CRYBG3: variants seen among roughly 807,000 people sequenced by gnomAD.
The protein encoded by CRYBG3 is crystallin beta-gamma domain containing 3.
CRYBG3 carries 127 observed loss-of-function variants against 244.2 expected under a neutral mutation model. The ratio of observed to expected loss-of-function variants is 0.52; its 90% confidence interval spans 0.45 to 0.60. CRYBG3 has a LOEUF of 0.60. CRYBG3 is among the 20% of genes least tolerant of loss of function. The probability of loss-of-function intolerance (pLI) is 0.00; values close to 1 mark genes in which losing one functional copy is unlikely to be tolerated. For missense variants in CRYBG3, 3,325 were observed against 3,442.5 expected (o/e 0.97, Z 0.85); for synonymous variants, 1,132 against 1,195.8 (o/e 0.95, Z 1.10).
chr3:97,908,275 G>A (rs969153294), intron 15 of CRYBG3, among the ~76,000 whole-genome samples: 1 of 152,190 alleles, frequency 6.6e-6, no homozygotes, highest in Non-Finnish European at 1.5e-5. Flanking sequence ...GCTTGGTGCA[G>A]AGCTGAGTTC....
At chr3:97,871,033 G>T (rs568764608) in intron 3 of CRYBG3, among the ~76,000 whole-genome samples, 2 of 152,130 alleles carry the variant, frequency 1.3e-5, no homozygotes, top group African/African-American at 2.4e-5. Context: ...TCTGATGCTG[G>T]CATTAAAGGG....
At chr3:97,857,884 T>A (rs2039089081) in intron 2 of CRYBG3, among the ~76,000 whole-genome samples, 1 of 152,152 alleles carries the variant, frequency 6.6e-6, no homozygotes, top group African/African-American at 2.4e-5. Context: ...TCATTTCGTA[T>A]ATACATTGTT....
chr3:97,892,978 G>T lies in CRYBG3; in HGVS notation c.7559G>T (p.Arg2520Leu). The T allele has an allele frequency of 6.3e-7, 1 of 1,597,446 alleles. No individual in the cohort carries two copies. Among genetic ancestry groups the T allele is most frequent in the Non-Finnish European group, 8.5e-7 (1 of 1,174,344 alleles). The change falls in exon 11 of 22, where the codon CGT (arginine) becomes CTT (leucine). Residue 2520 changes from arginine (R) to leucine (L), a missense_variant. Arg to Leu is a moderately radical substitution (Grantham distance 102). This residue lies in a region of CRYBG3 where 714 missense variants were observed against 803.6 expected (regional missense o/e 0.89). Coordinates refer to ENST00000389622, the MANE Select transcript of CRYBG3 (RefSeq NM_153605.4). ...NGDFHRIGSIRVIGGVWVAYE... is the reference protein window; with the variant it reads ...NGDFHRIGSILVIGGVWVAYE... ...GATTTTCACAGAATTGGATCAATTC[G>T]TGTCATTGGTGGAGTGTGAGTATCA...
At chr3:97,848,555 C>T (rs2038936165) in intron 2 of CRYBG3, among the ~76,000 whole-genome samples, 1 of 152,170 alleles carries the variant, frequency 6.6e-6, no homozygotes, top group African/African-American at 2.4e-5. Context: ...CCTGCCTCAG[C>T]CTCCCAAAGT....
chr3:97,894,014 C>T (rs2039611271), intron 11 of CRYBG3, among the ~76,000 whole-genome samples: 1 of 152,088 alleles, frequency 6.6e-6, no homozygotes, highest in African/African-American at 2.4e-5. Context: ...CTTCCTTGTC[C>T]TTCAATTTAA....
At chr3:97,831,608 A>T (rs2038654627) in intron 1 of CRYBG3, among the ~76,000 whole-genome samples, 2 of 152,152 alleles carry the variant, frequency 1.3e-5, no homozygotes, top group South Asian at 4.1e-4. Flanking sequence ...TTATGAAGTG[A>T]GTATATGATA....
At chr3:97,841,076 A>C (rs753363060) in intron 1 of CRYBG3, among the ~76,000 whole-genome samples, 6 of 151,880 alleles carry the variant, frequency 4.0e-5, no homozygotes, top group Non-Finnish European at 8.8e-5. Flanking sequence ...TATTTTATAC[A>C]TTTGTACGGG....
chr3:97,822,238 C>G lies in CRYBG3; in HGVS notation c.32C>G (p.Pro11Arg). 1 of 1,530,716 alleles carries G rather than the reference C, an allele frequency of 6.5e-7. No homozygotes were observed. The highest frequency in any genetic ancestry group is 8.7e-7 in the Non-Finnish European group (1 of 1,144,802). The allele number at this position is 1,530,716 out of a possible 1,614,324, so 94.8% of individuals were successfully genotyped here. A position where few individuals can be genotyped will look rare whatever the true frequency, so the allele number is the denominator to read the frequency against. Residue 11 changes from proline (P) to arginine (R), a missense_variant, in exon 1 of 22, where the codon CCC (proline) becomes CGC (arginine). Pro to Arg is a moderately radical substitution (Grantham distance 103, BLOSUM62 -2). Transcript: ENST00000389622. Reference protein sequence around the residue: MSSGRRRGSAPWHSFSRFFAP... With the variant: MSSGRRRGSARWHSFSRFFAP... ...AGCGGCCGCAGAAGGGGCAGCGCCC[C>G]CTGGCACAGCTTCTCCCGGTTCTTC...
chr3:97,855,539 T>C (rs754907936), intron 2 of CRYBG3, among the ~76,000 whole-genome samples: 19 of 152,180 alleles, frequency 1.2e-4, no homozygotes, highest in Non-Finnish European at 1.5e-4. Flanking sequence ...GTTCAGGTTT[T>C]CTGTTTCTTC....
At chr3:97,905,606 G>C (rs1372184624) in intron 15 of CRYBG3, among the ~76,000 whole-genome samples, 4 of 151,882 alleles carry the variant, frequency 2.6e-5, no homozygotes, top group Non-Finnish European at 5.9e-5. Flanking sequence ...CTTTTTTCTT[G>C]TAAATTTGTT....
At position 97,876,995 on chromosome 3, in the gene CRYBG3, C is replaced by T. The variant is rs867067233; in HGVS notation, c.5801C>T (p.Ser1934Phe). The T allele has an allele frequency of 2.6e-6, 4 of 1,523,648 alleles. No individual in the cohort carries two copies. Among genetic ancestry groups the T allele is most frequent in the Non-Finnish European group, 3.5e-6 (4 of 1,139,056 alleles). The allele number at this position is 1,523,648 out of a possible 1,614,324, so 94.4% of individuals were successfully genotyped here. ...RLPTYFRGYE[S>F]PTLSKDYEGY... ...CCTACATATTTCAGGGGATATGAAT[C>T]CCCTACATTAAGTAAGGATTATGAG... is the stretch of plus-strand genomic sequence containing the variant. The change falls in exon 4 of 22, where the codon TCC becomes TTC. Residue 1934 changes from serine (S) to phenylalanine (F), a missense_variant. Ser to Phe is a radical substitution (Grantham distance 155). Transcript: ENST00000389622.
chr3:97,875,824 T>C lies in CRYBG3; in HGVS notation c.4630T>C (p.Leu1544=). 8.1e-7 allele frequency: 1 copy of C among 1,231,928 alleles called. No individual in the cohort carries two copies. The highest frequency in any genetic ancestry group is 1.0e-6 in the Non-Finnish European group (1 of 987,862). The allele number at this position is 1,231,928 out of a possible 1,614,324, so 76.3% of individuals were successfully genotyped here. A position where few individuals can be genotyped will look rare whatever the true frequency, so the allele number is the denominator to read the frequency against. ...IGKIELIPSM[L]ETGKTNKKDA... ...GAAAATTGAACTTATACCTTCCATG[T>C]TAGAAACAGGGAAAACAAACAAAAA... The change falls in exon 4 of 22, where the codon TTA becomes CTA. Residue 1544 remains leucine (L), a synonymous_variant. Transcript: ENST00000389622.
chr3:97,931,789 A>G (rs1177745001), intron 17 of CRYBG3, among the ~76,000 whole-genome samples: 2 of 151,998 alleles, frequency 1.3e-5, no homozygotes, highest in Non-Finnish European at 2.9e-5. Flanking sequence ...TGATATTAAT[A>G]GTCTTCCTGG....
intron 2 of CRYBG3, among the ~76,000 whole-genome samples, chr3:97,855,979 C>T (rs1354159341): frequency 1.3e-5 from 2 of 152,066 alleles, no homozygotes; most frequent in Admixed American, 1.3e-4. Context: ...TGAGAGCAAC[C>T]GGTCTGACCA....
Position 97,873,860 on chromosome 3 carries a change from T to C in CRYBG3, c.2666T>C (p.Ile889Thr). ...EVEQGKRFQSINHNEIGEKCS... is the reference protein window; with the variant it reads ...EVEQGKRFQSTNHNEIGEKCS... ...GAACAGGGCAAACGTTTTCAATCAA[T>C]TAATCATAATGAGATAGGAGAGAAA... The change falls in exon 4 of 22, where the codon ATT becomes ACT. Residue 889 changes from isoleucine (I) to threonine (T), a missense_variant. Physicochemically the swap from Ile to Thr is moderately conservative, Grantham distance 89. Around this residue, in one of 4 missense-constraint regions of CRYBG3, gnomAD observed 1,526 missense variants for 1,443.2 expected, o/e 1.06. Transcript: ENST00000389622. 1.3e-6 allele frequency: 2 copies of C among 1,535,500 alleles called. No homozygotes were observed. The highest frequency in any genetic ancestry group is 1.7e-6 in the Non-Finnish European group (2 of 1,146,698).
chr3:97,865,204 G>A (rs1281903975), intron 3 of CRYBG3, among the ~76,000 whole-genome samples: 1 of 152,116 alleles, frequency 6.6e-6, no homozygotes, highest in African/African-American at 2.4e-5. Flanking sequence ...CTCAAATGAG[G>A]TAGAAGGAAT....
chr3:97,856,486 A>G (rs551838217), intron 2 of CRYBG3, among the ~76,000 whole-genome samples: 1 of 152,334 alleles, frequency 6.6e-6, no homozygotes, highest in Admixed American at 6.5e-5. Flanking sequence ...ATAAGTGTCT[A>G]TGAAATCTTT....
At chr3:97,858,981 A>C (rs188320027) in intron 2 of CRYBG3, among the ~76,000 whole-genome samples, 24 of 150,980 alleles carry the variant, frequency 1.6e-4, no homozygotes, top group Non-Finnish European at 7.4e-5. Flanking sequence ...ATTTTTTCTT[A>C]CAGATGTGAT....
At chr3:97,823,314 C>G (rs1056164438) in intron 1 of CRYBG3, among the ~76,000 whole-genome samples, 1 of 152,048 alleles carries the variant, frequency 6.6e-6, no homozygotes, top group African/African-American at 2.4e-5. Flanking sequence ...TCCAGAAAAC[C>G]GTGTTTACTT....
Sources: gnomAD v4.1 joint callset for allele counts (sites outside exome capture counted in the v4.1 genomes callset) on GRCh38, gnomAD v4.1.1 for gene constraint, gnomAD v4.1.1 regional missense constraint, MANE v1.5 for transcripts, NCBI Gene and HGNC (gene_info 2026-07-23, HGNC 2026-07-21) for gene names.